TRIM68: variants seen among roughly 807,000 people sequenced by gnomAD.
TRIM68 encodes E3 ubiquitin-protein ligase TRIM68.
Under a neutral mutation model 41.9 loss-of-function variants are expected in TRIM68, and 36 were observed. The observed-to-expected ratio is 0.86, with a 90% CI of 0.66 to 1.14. The LOEUF is 1.14. Among genes scored for constraint, TRIM68 ranks in the 50% most tolerant of loss-of-function variants. The pLI is 0.00. For missense variants in TRIM68, 632 were observed against 605.1 expected, an observed-to-expected ratio of 1.04 and a Z score of -0.47; for synonymous variants, 225 against 224.6, an observed-to-expected ratio of 1.00 and a Z score of -0.02.
In TRIM68 at chr11:4,601,655, A is replaced by G; in HGVS notation, c.806+9T>C. 1 of 1,614,114 alleles carries G rather than the reference A, an allele frequency of 6.2e-7. No individual in the cohort carries two copies. The highest frequency in any genetic ancestry group is 8.5e-7 in the Non-Finnish European group (1 of 1,179,968). On this transcript the variant is annotated intron_variant, in intron 5 of 6. Coordinates refer to ENST00000300747, the MANE Select transcript of TRIM68 (RefSeq NM_018073.8). Reference sequence around the variant, plus strand: ...GGGCTGCTTAGAGGCTCCAAGGGTGAGAACATACCTGTTTAACACTTCCTG... The same window carrying G: ...GGGCTGCTTAGAGGCTCCAAGGGTGGGAACATACCTGTTTAACACTTCCTG...
In TRIM68 at chr11:4,600,785, T is replaced by A; in HGVS notation, c.949A>T (p.Ile317Phe). The A allele has an allele frequency of 6.2e-7, 1 of 1,614,128 alleles. No individual in the cohort carries two copies. ...LDPDTAYSRL[I>F]VSEDRKRVHY... ...ACACGTTTTCTGTCCTCAGACACGA[T>A]GAGACGGGAGTAAGCAGTATCTGGA... Residue 317 changes from isoleucine (I) to phenylalanine (F), a missense_variant, in exon 7 of 7, where the codon ATC becomes TTC. Ile to Phe is a conservative substitution (Grantham distance 21). Coordinates refer to ENST00000300747, the MANE Select transcript of TRIM68 (RefSeq NM_018073.8).
At chr11:4,605,642 C>G (rs1846558901) in intron 1 of TRIM68, 81 bp from the exon 2 acceptor site, 2 of 918,270 alleles carry the variant, frequency 2.2e-6, no homozygotes, top group Admixed American at 5.8e-5. Context: ...TAATTAATTT[C>G]TGGGGGAAAA....
chr11:4,600,422 T>C lies in TRIM68; in HGVS notation c.1312A>G (p.Asn438Asp). 2 of 1,614,010 alleles carry C rather than the reference T, an allele frequency of 1.2e-6. No homozygotes were observed. Among genetic ancestry groups the C allele is most frequent in the East Asian group, 2.2e-5 (1 of 44,856 alleles). ...ATGTGGGAGCCACAGTCAGTCACAT[T>C]GTAGAAAGAAATGTCATGGGCCTCA... Reference protein sequence around the residue: ...DYEAHDISFYNVTDCGSHIFT... With the variant: ...DYEAHDISFYDVTDCGSHIFT... The change falls in exon 7 of 7, where the codon AAT becomes GAT. Residue 438 changes from asparagine (N) to aspartate (D), a missense_variant. Coordinates refer to ENST00000300747, the MANE Select transcript of TRIM68 (RefSeq NM_018073.8).
At chr11:4,605,592 G>T in intron 1 of TRIM68, 31 bp from the exon 2 acceptor site, 1 of 1,304,278 alleles carries the variant, frequency 7.7e-7, no homozygotes, top group Admixed American at 2.4e-5. Context: ...ACAAATAAGA[G>T]AAAAAGGTAA....
In TRIM68 at chr11:4,600,477, A is replaced by G. The variant is rs773442829; in HGVS notation, c.1257T>C (p.Pro419=). The G allele has an allele frequency of 1.2e-6, 2 of 1,613,496 alleles. No individual in the cohort carries two copies. Among genetic ancestry groups the G allele is most frequent in the Non-Finnish European group, 1.7e-6 (2 of 1,179,680 alleles). ...DEYPILSLPV[P]PRRVGIFVDY... is the part of the protein sequence containing the mutation. The stretch of plus-strand genomic sequence containing the variant: ...CCACGAAGATTCCCACCCGGCGAGG[A>G]GGGACCGGCAAGGACAGGATTGGGT... The change falls in exon 7 of 7, where the codon CCT becomes CCC. Residue 419 remains proline (P), a synonymous_variant. Transcript: ENST00000300747.
chr11:4,605,093 C>A lies in TRIM68; in HGVS notation c.412G>T (p.Ala138Ser), dbSNP rs200311103. The A allele has an allele frequency of 5.0e-6, 8 of 1,613,632 alleles. No homozygotes were observed. The highest frequency in any genetic ancestry group is 1.3e-5 in the African/African-American group (1 of 74,916). ...AHSVVPMEDV[A>S]WEYKWELHEA... ...CCATCTCTCACCTTGTACTCCCAGGCAACATCCTCCATTGGCACAACACTG... is the reference window on the plus strand; with the variant it reads ...CCATCTCTCACCTTGTACTCCCAGGAAACATCCTCCATTGGCACAACACTG... The change falls in exon 2 of 7, where the codon GCC becomes TCC. Residue 138 changes from alanine (A) to serine (S), a missense_variant. Coordinates refer to ENST00000300747, the MANE Select transcript of TRIM68 (RefSeq NM_018073.8).
chr11:4,607,404 T>C (rs756305413), intron 1 of TRIM68, among the ~76,000 whole-genome samples: 10 of 152,218 alleles, frequency 6.6e-5, no homozygotes, highest in East Asian at 5.8e-4. Flanking sequence ...GTTAATATCC[T>C]TAGCTAAGTC....
At chr11:4,603,391 T>G in intron 2 of TRIM68, 51 bp from the exon 3 acceptor site, 1 of 1,564,696 alleles carries the variant, frequency 6.4e-7, no homozygotes. Flanking sequence ...CTAGGCTTCC[T>G]AGCACTGGGA....
In TRIM68 at chr11:4,600,624, CCA is replaced by C. The variant is rs1846471335; in HGVS notation, c.1108_1109del (p.Trp370GlyfsTer6). The C allele has an allele frequency of 1.2e-6, 2 of 1,614,114 alleles. No homozygotes were observed. Among genetic ancestry groups the C allele is most frequent in the East Asian group, 4.5e-5 (2 of 44,864 alleles). ...WEVEVGDRSEWGLGVCKQNVD... is the reference protein window; with the variant it reads ...WEVEVGDRSEXGLGVCKQNVD... ...CATTTTGCTTACATACTCCCAGGCC[CCA>C]CTCAGACCTGTCTCCCACCTCCACC... On this transcript the variant is annotated frameshift_variant, in exon 7 of 7. Transcript: ENST00000300747. LOFTEE classifies it low-confidence loss of function (END_TRUNC).
chr11:4,605,093 C>T lies in TRIM68; in HGVS notation c.412G>A (p.Ala138Thr). Reference protein sequence around the residue: ...AHSVVPMEDVAWEYKWELHEA... With the variant: ...AHSVVPMEDVTWEYKWELHEA... ...CCATCTCTCACCTTGTACTCCCAGG[C>T]AACATCCTCCATTGGCACAACACTG... Residue 138 changes from alanine to threonine, a missense_variant, in exon 2 of 7, where the codon GCC becomes ACC. By Grantham distance (58) the Ala-to-Thr change is moderately conservative. Coordinates refer to ENST00000300747, the MANE Select transcript of TRIM68 (RefSeq NM_018073.8). The T allele has an allele frequency of 3.1e-6, 5 of 1,613,750 alleles. No homozygotes were observed. Among genetic ancestry groups the T allele is most frequent in the Non-Finnish European group, 4.2e-6 (5 of 1,179,730 alleles).
Position 4,602,160 on chromosome 11 carries a change from T to A in TRIM68, c.775A>T (p.Met259Leu), listed in dbSNP as rs1159333401. Reference sequence around the variant, plus strand: ...GAAAACCTACTACTCACCTGCAACATCCAGCGGACAGGCCTCTGCGACCTC... The same window carrying A: ...GAAAACCTACTACTCACCTGCAACAACCAGCGGACAGGCCTCTGCGACCTC... ...KERSQRPVRW[M>L]LQDIQEVLNR... Residue 259 changes from methionine to leucine, a missense_variant, in exon 4 of 7, where the codon ATG (methionine) becomes TTG (leucine). Physicochemically the swap from Met to Leu is conservative, Grantham distance 15. Transcript: ENST00000300747. The A allele has an allele frequency of 7.4e-6, 12 of 1,614,034 alleles. No homozygotes were observed. The highest frequency in any genetic ancestry group is 7.6e-6 in the Non-Finnish European group (9 of 1,180,038).
Position 4,601,106 on chromosome 11 carries a change from C to T in TRIM68, c.828G>A (p.Gln276=), listed in dbSNP as rs144303862. The T allele has an allele frequency of 1.5e-5, 25 of 1,614,202 alleles. No individual in the cohort carries two copies. The African/African-American group carries it at 2.9e-4, about 19-fold the overall frequency. Residue 276 remains glutamine (Q), a synonymous_variant, in exon 6 of 7, where the codon CAG becomes CAA. Transcript: ENST00000300747. ...ACTCCAGGGAGATTGGTTCTGGCTGCTGCAAGCTCCAAGATTTGCTCCTGG... is the reference window on the plus strand; with the variant it reads ...ACTCCAGGGAGATTGGTTCTGGCTGTTGCAAGCTCCAAGATTTGCTCCTGG... ...VLNRSKSWSL[Q]QPEPISLELK... is the part of the protein sequence containing the mutation.
Position 4,605,300 on chromosome 11 carries a change from G to T in TRIM68, c.205C>A (p.Leu69Met), listed in dbSNP as rs1030386777. ...LCRAPVQPRN[L>M]RPNWQLANVV... is the part of the protein sequence containing the mutation. The stretch of plus-strand genomic sequence containing the variant: ...TTGGCCAGCTGCCAATTAGGCCGCA[G>T]GTTCCTTGGCTGGACAGGAGCTCGA... The change falls in exon 2 of 7, where the codon CTG becomes ATG. Residue 69 changes from leucine to methionine, a missense_variant. Transcript: ENST00000300747. 6.2e-7 allele frequency: 1 copy of T among 1,614,264 alleles called. No homozygotes were observed. Among genetic ancestry groups the T allele is most frequent in the Non-Finnish European group, 8.5e-7 (1 of 1,180,044 alleles).
chr11:4,601,205 G>A (rs1379651387), intron 5 of TRIM68, 78 bp from the exon 6 acceptor site: 1 of 1,103,686 alleles, frequency 9.1e-7, no homozygotes, highest in East Asian at 2.3e-5. Context: ...AGGGAAGAGG[G>A]GCTTGGCCAG....
Position 4,601,127 on chromosome 11 carries a change from C to G in TRIM68, c.807G>C (p.Arg269Ser), listed in dbSNP as rs1846483717. The G allele has an allele frequency of 5.0e-6, 8 of 1,613,910 alleles. No individual in the cohort carries two copies. The highest frequency in any genetic ancestry group is 6.8e-6 in the Non-Finnish European group (8 of 1,179,786). The change falls in exon 6 of 7, where the codon AGG becomes AGC. Residue 269 changes from arginine (R) to serine (S), a missense_variant and splice_region_variant. Coordinates refer to ENST00000300747, the MANE Select transcript of TRIM68 (RefSeq NM_018073.8). ...MLQDIQEVLN[R>S]SKSWSLQQPE... ...GCTGCTGCAAGCTCCAAGATTTGCTCCTGGTAGAGGAGGGTGAACCTCAGG... is the reference window on the plus strand; with the variant it reads ...GCTGCTGCAAGCTCCAAGATTTGCTGCTGGTAGAGGAGGGTGAACCTCAGG...
In TRIM68 at chr11:4,601,011, C is replaced by A; in HGVS notation, c.907+16G>T. 1 of 1,612,058 alleles carries A rather than the reference C, an allele frequency of 6.2e-7. No homozygotes were observed. The highest frequency in any genetic ancestry group is 8.5e-7 in the Non-Finnish European group (1 of 1,178,102). On this transcript the variant is annotated intron_variant, in intron 6 of 6. Transcript: ENST00000300747. ...CCCTCCCACTGTCCACTACAGTCTC[C>A]CCCAGGATCCATTACCTGCATAAGT...
chr11:4,600,625 C>G lies in TRIM68; in HGVS notation c.1109G>C (p.Trp370Ser), dbSNP rs1846471292. ...WEVEVGDRSEWGLGVCKQNVD... is the reference protein window; with the variant it reads ...WEVEVGDRSESGLGVCKQNVD... Reference sequence around the variant, plus strand: ...ATTTTGCTTACATACTCCCAGGCCCCACTCAGACCTGTCTCCCACCTCCAC... The same window carrying G: ...ATTTTGCTTACATACTCCCAGGCCCGACTCAGACCTGTCTCCCACCTCCAC... Residue 370 changes from tryptophan to serine, a missense_variant, in exon 7 of 7, where the codon TGG (tryptophan) becomes TCG (serine). Transcript: ENST00000300747. 1 of 1,614,122 alleles carries G rather than the reference C, an allele frequency of 6.2e-7. No homozygotes were observed. Among genetic ancestry groups the G allele is most frequent in the Non-Finnish European group, 8.5e-7 (1 of 1,180,020 alleles).
chr11:4,603,393 G>A, intron 2 of TRIM68, 53 bp from the exon 3 acceptor site: 4 of 1,548,830 alleles, frequency 2.6e-6, no homozygotes, highest in Admixed American at 1.7e-5. Flanking sequence ...AGGCTTCCTA[G>A]CACTGGGAGG....
Position 4,600,402 on chromosome 11 carries a change from G to T in TRIM68, c.1332C>A (p.Ser444=), listed in dbSNP as rs764281599. Residue 444 remains serine (S), a synonymous_variant, in exon 7 of 7, where the codon TCC becomes TCA. Transcript: ENST00000300747. ...GATAGCGGGGGAAAGTGAAGATGTG[G>T]GAGCCACAGTCAGTCACATTGTAGA... ...ISFYNVTDCG[S]HIFTFPRYPF... is the part of the protein sequence containing the mutation. The T allele has an allele frequency of 6.2e-7, 1 of 1,614,110 alleles. No homozygotes were observed. The highest frequency in any genetic ancestry group is 2.2e-5 in the East Asian group (1 of 44,866).
Sources: allele counts gnomAD v4.1 joint callset (sites outside exome capture counted in the v4.1 genomes callset), GRCh38; gene constraint gnomAD v4.1.1; transcripts MANE v1.5; gene names NCBI Gene and HGNC (gene_info 2026-07-23, HGNC 2026-07-21).